Variants in DYRK1A observed in about 807,000 individuals in gnomAD.
The protein encoded by DYRK1A is dual specificity tyrosine phosphorylation regulated kinase 1A, also known as dual specificity tyrosine-phosphorylation-regulated kinase 1A.
Under a neutral mutation model 79.7 loss-of-function variants are expected in DYRK1A, and 9 were observed. The observed-to-expected ratio is 0.11, with a 90% CI of 0.07 to 0.20. The LOEUF (loss-of-function observed/expected upper bound fraction) is 0.20. DYRK1A is among the 10% of genes least tolerant of loss of function. The pLI, the probability that DYRK1A is intolerant of heterozygous loss-of-function variation, is 1.00. For missense variants in DYRK1A, 622 were observed against 956.0 expected, an observed-to-expected ratio of 0.65 and a Z score of 4.61; for synonymous variants, 349 against 329.7, an observed-to-expected ratio of 1.06 and a Z score of -0.63.
Position 37,515,743 on chromosome 21 carries a change from G to C in DYRK1A, c.*3212G>C, listed in dbSNP as rs1305956342. ...AAATTAAGGTTGGTTGCGTAAAGTT[G>C]AAGTTAACCACATGTAAGAAAGGAA... On this transcript the variant is annotated 3_prime_UTR_variant, in exon 12 of 12. Transcript: ENST00000647188. The C allele has an allele frequency of 1.3e-5, 2 of 151,876 alleles. No homozygotes were observed. The highest frequency in any genetic ancestry group is 2.9e-5 in the Non-Finnish European group (2 of 68,004). The allele number at this position is 151,876 out of a possible 1,614,324, so 9.4% of individuals were successfully genotyped here.
chr21:37,405,063 A>T (rs932769584), intron 1 of DYRK1A, among the ~76,000 whole-genome samples: 1 of 152,130 alleles, frequency 6.6e-6, no homozygotes, highest in African/African-American at 2.4e-5. Context: ...TGGTGGAGAC[A>T]GTTTTCTTTT....
At chr21:37,436,771 T>C (rs2835740) in intron 2 of DYRK1A, among the ~76,000 whole-genome samples, 28,557 of 152,144 alleles carry the variant, frequency 0.19, 2,934 homozygotes, top group East Asian at 0.36. Context: ...CCCAGGCATA[T>C]ATACTGAACA....
chr21:37,402,557 T>A (rs2050072806), intron 1 of DYRK1A, among the ~76,000 whole-genome samples: 1 of 152,224 alleles, frequency 6.6e-6, no homozygotes, highest in Non-Finnish European at 1.5e-5. Flanking sequence ...TTAAGCTGTT[T>A]TACTCTGCTG....
chr21:37,376,984 CTA>C (rs1569277213), intron 1 of DYRK1A, among the ~76,000 whole-genome samples: 1 of 152,070 alleles, frequency 6.6e-6, no homozygotes, highest in Non-Finnish European at 1.5e-5. Flanking sequence ...TGTTAGAAAA[CTA>C]TGTATGATTC....
chr21:37,390,233 G>A (rs926242330), intron 1 of DYRK1A, among the ~76,000 whole-genome samples: 10 of 152,126 alleles, frequency 6.6e-5, no homozygotes, highest in Admixed American at 2.0e-4. Flanking sequence ...CCTGGATGGG[G>A]TTTGGGCCGC....
Position 37,493,303 on chromosome 21 carries a change from A to G in DYRK1A, c.1071+140A>G. ...ATGTGAGGTCAGTTTGAATATACCT[A>G]TTTTTCATATTTGTCAGTTGTCATG... is the stretch of plus-strand genomic sequence containing the variant. On this transcript the variant is annotated intron_variant, in intron 8 of 11. Coordinates refer to ENST00000647188, the MANE Select transcript of DYRK1A (RefSeq NM_001347721.2). 3 of 730,612 alleles carry G rather than the reference A, an allele frequency of 4.1e-6. No individual in the cohort carries two copies. In the South Asian group the frequency reaches 7.3e-5, roughly 18 times the overall value. 45.3% of individuals were successfully genotyped at this position (730,612 alleles called of 1,614,324 possible).
At chr21:37,505,007 G>A (rs2053552984) in intron 9 of DYRK1A, 1 of 338,660 alleles carries the variant, frequency 3.0e-6, no homozygotes, top group Non-Finnish European at 5.3e-6. Flanking sequence ...ATTTGTAGCT[G>A]GAGCTGTAGA....
chr21:37,433,044 A>AATATATATATAT (rs1555964567), intron 2 of DYRK1A, among the ~76,000 whole-genome samples: 2 of 140,520 alleles, frequency 1.4e-5, no homozygotes, highest in African/African-American at 5.4e-5. Flanking sequence ...AGGAATTCTA[A>AATATATATATAT]ATATATATAT....
chr21:37,380,883 C>T (rs554041466), intron 1 of DYRK1A, among the ~76,000 whole-genome samples: 9 of 152,288 alleles, frequency 5.9e-5, no homozygotes, highest in African/African-American at 1.9e-4. Context: ...GTGACTGTAC[C>T]GGCTCCTAGT....
chr21:37,436,874 CTT>C (rs1227413540), intron 2 of DYRK1A, among the ~76,000 whole-genome samples: 1 of 152,162 alleles, frequency 6.6e-6, no homozygotes, highest in Non-Finnish European at 1.5e-5. Flanking sequence ...GTGGATATGT[CTT>C]TACATAACTA....
At chr21:37,409,665 G>A (rs796826553) in intron 1 of DYRK1A, among the ~76,000 whole-genome samples, 16 of 152,144 alleles carry the variant, frequency 1.1e-4, no homozygotes, top group African/African-American at 3.9e-4. Context: ...TAAAAATTGC[G>A]ATACATTGAG....
Position 37,454,724 on chromosome 21 carries a change from A to T in DYRK1A, c.11-17960A>T, listed in dbSNP as rs1407877607. 2.0e-5 allele frequency among the ~76,000 whole-genome samples: 3 copies of T among 152,220 alleles called. No homozygotes were observed. The East Asian group carries it at 5.8e-4, about 29-fold the overall frequency. On this transcript the variant is annotated intron_variant, in intron 2 of 11. Coordinates refer to ENST00000647188, the MANE Select transcript of DYRK1A (RefSeq NM_001347721.2). Reference sequence around the variant, plus strand: ...AAAATATCCAGTTATAGTATTTTACAGGGATTCAGTAAGTGTTGTATCTAA... The same window carrying T: ...AAAATATCCAGTTATAGTATTTTACTGGGATTCAGTAAGTGTTGTATCTAA...
At chr21:37,453,505 G>GGA (rs1014137959) in intron 2 of DYRK1A, among the ~76,000 whole-genome samples, 2 of 152,252 alleles carry the variant, frequency 1.3e-5, no homozygotes, top group East Asian at 1.9e-4. Context: ...GACAGAGCTG[G>GGA]GAGAGAGAGA....
At chr21:37,411,862 C>G (rs545199625) in intron 1 of DYRK1A, among the ~76,000 whole-genome samples, 1 of 152,262 alleles carries the variant, frequency 6.6e-6, no homozygotes, top group African/African-American at 2.4e-5. Flanking sequence ...CTACTATTCT[C>G]TTTTTGAAAA....
At chr21:37,507,720 A>G (rs1479458125) in intron 11 of DYRK1A, among the ~76,000 whole-genome samples, 1 of 120,490 alleles carries the variant, frequency 8.3e-6, no homozygotes, top group Non-Finnish European at 1.6e-5. Context: ...TTTTTCTTCT[A>G]CCCAGCACTG....
At chr21:37,509,452 A>T (rs1057213819) in intron 11 of DYRK1A, among the ~76,000 whole-genome samples, 1 of 152,056 alleles carries the variant, frequency 6.6e-6, no homozygotes, top group African/African-American at 2.4e-5. Context: ...ATTCATTTTT[A>T]AATTTATTTT....
chr21:37,408,520 G>A (rs2050188790), intron 1 of DYRK1A, among the ~76,000 whole-genome samples: 1 of 152,170 alleles, frequency 6.6e-6, no homozygotes, highest in Non-Finnish European at 1.5e-5. Flanking sequence ...ATAAACCAGA[G>A]TCATTCCCAA....
At chr21:37,446,573 T>G (rs976627127) in intron 2 of DYRK1A, among the ~76,000 whole-genome samples, 7 of 147,352 alleles carry the variant, frequency 4.8e-5, no homozygotes, top group Non-Finnish European at 8.9e-5. Flanking sequence ...ATAGGCAGGT[T>G]TGAAATTCTT....
At position 37,508,745 on chromosome 21, in the gene DYRK1A, T is replaced by C. The variant is rs530781209; in HGVS notation, c.1644+2522T>C. On this transcript the variant is annotated intron_variant, in intron 11 of 11. Transcript: ENST00000647188. ...AGTCACACTAATTCATTTTTCACTT[T>C]GTGTAATATGCCACATTCTCTCTTA... Among the ~76,000 whole-genome samples, 133 of 152,374 alleles carry C rather than the reference T, an allele frequency of 8.7e-4. 1 individual carries two copies. Among genetic ancestry groups the C allele is most frequent in the South Asian group, 4.6e-3 (22 of 4,826 alleles).
Sources: gnomAD v4.1 joint callset for allele counts (sites outside exome capture counted in the v4.1 genomes callset) on GRCh38, gnomAD v4.1.1 for gene constraint, MANE v1.5 for transcripts, NCBI Gene and HGNC (gene_info 2026-07-23, HGNC 2026-07-21) for gene names.